Variants in ZNF469 observed in about 807,000 individuals in gnomAD.
The protein encoded by ZNF469 is zinc finger protein 469.
In ZNF469, 1 loss-of-function variant was observed where a neutral mutation model predicts 1.0. The ratio of observed to expected loss-of-function variants is 1.00; its 90% CI spans 0.35 to 4.73. ZNF469 has a LOEUF of 4.73. ZNF469 is among the 30% of genes most tolerant of loss of function. The probability of loss-of-function intolerance (pLI) is 0.16; values close to 1 mark genes in which losing one functional copy is unlikely to be tolerated. For missense variants in ZNF469, 6,100 were observed against 5,356.3 expected (o/e 1.14, Z -4.33); for synonymous variants, 2,703 against 2,363.4 (o/e 1.14, Z -4.17).
chr16:88,247,252 A>AGTG, the ZNF469 span, among the ~76,000 whole-genome samples: 1 of 150,940 alleles, frequency 6.6e-6, no homozygotes, highest in African/African-American at 2.4e-5. Flanking sequence ...TGAATGAGTG[A>AGTG]AGGAACAAGT....
the ZNF469 span, among the ~76,000 whole-genome samples, chr16:88,188,584 G>A: frequency 6.6e-6 from 1 of 152,262 alleles, no homozygotes; most frequent in East Asian, 1.9e-4. Context: ...TGTTCAACCT[G>A]GGTCCCCAGG....
the ZNF469 span, among the ~76,000 whole-genome samples, chr16:88,304,953 G>A: frequency 6.6e-6 from 1 of 152,096 alleles, no homozygotes; most frequent in African/African-American, 2.4e-5. Flanking sequence ...GGCTCTTAAA[G>A]CCACACCCAA....
chr16:88,437,499 G>T lies in ZNF469; in HGVS notation c.10029G>T (p.Gly3343=), dbSNP rs1224484126. Residue 3343 remains glycine, a synonymous_variant, in exon 3 of 3, where the codon GGG becomes GGT. Transcript: ENST00000565624. ...KDPSRDCHHC[G]KRFPKPFKLQ... ...CCTCCCGCGACTGCCACCACTGCGG[G>T]AAGCGCTTCCCCAAGCCCTTCAAGC... The T allele has an allele frequency of 1.3e-6, 2 of 1,540,634 alleles. No individual in the cohort carries two copies. The highest frequency in any genetic ancestry group is 2.8e-5 in the African/African-American group (2 of 72,394).
rs1317948883 is a variant in ZNF469 at position 88,430,117 on chromosome 16, C to A, written c.2647C>A (p.His883Asn). ...PSGPRGPSSGHPLKSKAGVTP... is the reference protein window; with the variant it reads ...PSGPRGPSSGNPLKSKAGVTP... ...CGGCCCCAGAGGTCCCAGCTCCGGA[C>A]ACCCCCTTAAGAGCAAGGCGGGGGT... Residue 883 changes from histidine (H) to asparagine (N), a missense_variant, in exon 3 of 3, where the codon CAC becomes AAC. Physicochemically the swap from His to Asn is moderately conservative, Grantham distance 68. Coordinates refer to ENST00000565624, the MANE Select transcript of ZNF469 (RefSeq NM_001367624.2). 2 of 1,550,232 alleles carry A rather than the reference C, an allele frequency of 1.3e-6. No homozygotes were observed. Among genetic ancestry groups the A allele is most frequent in the African/African-American group, 1.4e-5 (1 of 73,114 alleles).
At chr16:88,121,438 C>T in the ZNF469 span, among the ~76,000 whole-genome samples, 8 of 152,176 alleles carry the variant, frequency 5.3e-5, no homozygotes, top group Admixed American at 1.3e-4. Context: ...TTCTGGCCAT[C>T]GGAGGGGCTG....
At chr16:88,187,155 G>A in the ZNF469 span, among the ~76,000 whole-genome samples, 54 of 152,052 alleles carry the variant, frequency 3.6e-4, no homozygotes, top group African/African-American at 1.2e-3. Flanking sequence ...CCAGGGTCCA[G>A]CTCACCTGGT....
At chr16:88,231,385 G>A in the ZNF469 span, among the ~76,000 whole-genome samples, 3 of 152,364 alleles carry the variant, frequency 2.0e-5, no homozygotes, top group South Asian at 6.2e-4. The surrounding 1 kb of genome is among the most constrained non-coding windows in gnomAD (Gnocchi z 4.5). Flanking sequence ...GGGTGGGACT[G>A]GGGTGGTGTC....
chr16:88,187,645 G>A, the ZNF469 span, among the ~76,000 whole-genome samples: 1 of 151,356 alleles, frequency 6.6e-6, no homozygotes, highest in African/African-American at 2.4e-5. Context: ...TCTCAGAAAC[G>A]CTGGAAGAAT....
rs966868371 is a variant in ZNF469 at position 88,428,449 on chromosome 16, C to G, written c.979C>G (p.Pro327Ala). The change falls in exon 3 of 3, where the codon CCC becomes GCC. Residue 327 changes from proline to alanine, a missense_variant. Pro to Ala is a conservative substitution (Grantham distance 27). Transcript: ENST00000565624. Reference sequence around the variant, plus strand: ...GGGCACGGGCCCTGCCTACCCGCTGCCCACCCAGCCTGCGCCCTCACCCCT... The same window carrying G: ...GGGCACGGGCCCTGCCTACCCGCTGGCCACCCAGCCTGCGCCCTCACCCCT... The part of the protein sequence containing the change: ...AVGTGPAYPL[P>A]TQPAPSPLPC... 6.5e-7 allele frequency: 1 copy of G among 1,548,318 alleles called. No homozygotes were observed. The highest frequency in any genetic ancestry group is 8.7e-7 in the Non-Finnish European group (1 of 1,146,744).
chr16:88,250,946 C>T, the ZNF469 span, among the ~76,000 whole-genome samples: 1 of 152,148 alleles, frequency 6.6e-6, no homozygotes, highest in Non-Finnish European at 1.5e-5. Flanking sequence ...GGCATGATCT[C>T]GGCTCACTGC....
chr16:88,230,003 C>T, the ZNF469 span, among the ~76,000 whole-genome samples: 2 of 152,162 alleles, frequency 1.3e-5, no homozygotes, highest in African/African-American at 2.4e-5. Context: ...TTTCTCAGGG[C>T]CCTTTCTGTC....
chr16:88,342,043 G>C, the ZNF469 span, among the ~76,000 whole-genome samples: 1 of 152,090 alleles, frequency 6.6e-6, no homozygotes, highest in Admixed American at 6.5e-5. Context: ...CAGGGTCCCA[G>C]GTGAGGCAAG....
the ZNF469 span, among the ~76,000 whole-genome samples, chr16:88,234,093 G>A: frequency 6.6e-6 from 1 of 152,212 alleles, no homozygotes; most frequent in African/African-American, 2.4e-5. Context: ...AAGGGCCATG[G>A]ACTTCTGAAC....
At chr16:88,350,012 G>A in the ZNF469 span, among the ~76,000 whole-genome samples, 1 of 151,814 alleles carries the variant, frequency 6.6e-6, no homozygotes, top group East Asian at 2.0e-4. Flanking sequence ...AGCACGCACA[G>A]CGTACAGACC....
chr16:88,301,899 T>A, the ZNF469 span, among the ~76,000 whole-genome samples: 1 of 152,204 alleles, frequency 6.6e-6, no homozygotes, highest in African/African-American at 2.4e-5. Context: ...ACAGTCCTGA[T>A]GACTGTTACC....
the ZNF469 span, among the ~76,000 whole-genome samples, chr16:88,377,365 G>A: frequency 6.6e-6 from 1 of 152,218 alleles, no homozygotes; most frequent in Non-Finnish European, 1.5e-5. Flanking sequence ...CTCTCCCGCT[G>A]GGCCCGCCAC....
At chr16:88,139,923 G>C in the ZNF469 span, among the ~76,000 whole-genome samples, 2 of 152,176 alleles carry the variant, frequency 1.3e-5, no homozygotes, top group African/African-American at 4.8e-5. Context: ...GCATTCGTGA[G>C]ACAGTCTCCA....
the ZNF469 span, among the ~76,000 whole-genome samples, chr16:88,124,243 T>C: frequency 1.3e-5 from 2 of 152,232 alleles, no homozygotes; most frequent in Non-Finnish European, 2.9e-5. Context: ...TTTATTTTAT[T>C]TATTTTTTGA....
At chr16:88,423,304 T>G in intron 1 of ZNF469, among the ~76,000 whole-genome samples, 1 of 152,098 alleles carries the variant, frequency 6.6e-6, no homozygotes, top group Non-Finnish European at 1.5e-5. Flanking sequence ...GGTGGGTGGA[T>G]GGATGGATAC....
Sources: allele counts gnomAD v4.1 joint callset (sites outside exome capture counted in the v4.1 genomes callset), GRCh38; gene constraint gnomAD v4.1.1; non-coding constraint Gnocchi (gnomAD v3.1); transcripts MANE v1.5; gene names NCBI Gene and HGNC (gene_info 2026-07-23, HGNC 2026-07-21).